Variants in CRB2 observed in about 807,000 individuals in gnomAD.
The protein encoded by CRB2 is crumbs cell polarity complex component 2.
Under a neutral mutation model 110.9 loss-of-function variants are expected in CRB2, and 85 were observed. The observed-to-expected ratio is 0.77, with a 90% CI of 0.64 to 0.92. The LOEUF is 0.92. Ranked by LOEUF, CRB2 falls within the 40% of genes least tolerant of loss-of-function variation. The probability of loss-of-function intolerance (pLI) is 0.00; values close to 1 mark genes in which losing one functional copy is unlikely to be tolerated. For missense variants in CRB2, 1,843 were observed against 1,851.3 expected, an observed-to-expected ratio of 1.00 and a Z score of 0.08; for synonymous variants, 907 against 831.0, an observed-to-expected ratio of 1.09 and a Z score of -1.57.
chr9:123,372,424 G>T, intron 9 of CRB2, 82 bp downstream of exon 9: 2 of 1,490,798 alleles, frequency 1.3e-6, no homozygotes, highest in Non-Finnish European at 9.0e-7. Flanking sequence ...CTCAGGGCTT[G>T]TAGGATACTG....
Position 123,373,900 on chromosome 9 carries a change from C to T in CRB2, c.3369C>T (p.Gly1123=), listed in dbSNP as rs2042061679. Reference sequence around the variant, plus strand: ...GCTTCGAGTGCCGCTGCCCGCCTGGCTTCGGGGGCCCGCGCTGCAGGTGGG... The same window carrying T: ...GCTTCGAGTGCCGCTGCCCGCCTGGTTTCGGGGGCCCGCGCTGCAGGTGGG... The part of the protein sequence containing the change: ...DGRFECRCPP[G]FGGPRCRLPV... Residue 1123 remains glycine, a synonymous_variant, in exon 10 of 13, where the codon GGC becomes GGT. Coordinates refer to ENST00000373631, the MANE Select transcript of CRB2 (RefSeq NM_173689.7). 5.2e-6 allele frequency: 8 copies of T among 1,549,026 alleles called. No individual in the cohort carries two copies. The highest frequency in any genetic ancestry group is 1.7e-4 in the Middle Eastern group (1 of 5,980).
In CRB2 at chr9:123,371,378, C is replaced by T; in HGVS notation, c.2236C>T (p.His746Tyr). 6.2e-7 allele frequency: 1 copy of T among 1,606,286 alleles called. No individual in the cohort carries two copies. Among genetic ancestry groups the T allele is most frequent in the Non-Finnish European group, 8.5e-7 (1 of 1,175,994 alleles). ...DQLQDLGQHV[H>Y]VGGRLLAADS... ...GCTGCAGGACCTGGGGCAGCACGTG[C>T]ACGTGGGTGGGAGGCTCCTTGCTGC... Residue 746 changes from histidine to tyrosine, a missense_variant, in exon 8 of 13, where the codon CAC (histidine) becomes TAC (tyrosine). Coordinates refer to ENST00000373631, the MANE Select transcript of CRB2 (RefSeq NM_173689.7).
chr9:123,359,217 G>A (rs1307697551), intron 1 of CRB2, among the ~76,000 whole-genome samples: 2 of 152,050 alleles, frequency 1.3e-5, no homozygotes, highest in Non-Finnish European at 2.9e-5. Flanking sequence ...ATGACTGAGT[G>A]AGTGTCTGCA....
rs1397020764 is a variant in CRB2 at position 123,371,182 on chromosome 9, G to A, written c.2040G>A (p.Glu680=). 1.9e-5 allele frequency: 31 copies of A among 1,613,826 alleles called. No homozygotes were observed. In the East Asian group the frequency reaches 6.9e-4, roughly 36 times the overall value. The change falls in exon 8 of 13, where the codon GAG becomes GAA. Residue 680 remains glutamate (E), a synonymous_variant. Transcript: ENST00000373631. The part of the protein sequence containing the change: ...LTVSFLLRTR[E]SAGLLLQFAN... ...TGTCTTTCCTTCTCCGCACTCGGGA[G>A]TCCGCTGGCCTGTTGCTCCAGTTTG...
chr9:123,364,098 C>A (rs1033357753), intron 2 of CRB2, among the ~76,000 whole-genome samples: 8 of 152,288 alleles, frequency 5.3e-5, no homozygotes, highest in African/African-American at 9.6e-5. Flanking sequence ...GGGCCTACAG[C>A]GAAGAGATGG....
Position 123,362,921 on chromosome 9 carries a change from A to G in CRB2, c.151A>G (p.Thr51Ala), listed in dbSNP as rs2041884606. ...TGCCTCAGACCCGTGCGCTCCAGGG[A>G]CCGAGTGCCAGGCTACCGAGAGTGG... ...ACASDPCAPG[T>A]ECQATESGGY... The change falls in exon 2 of 13, where the codon ACC becomes GCC. Residue 51 changes from threonine (T) to alanine (A), a missense_variant. Physicochemically the swap from Thr to Ala is moderately conservative, Grantham distance 58 (BLOSUM62 0). Coordinates refer to ENST00000373631, the MANE Select transcript of CRB2 (RefSeq NM_173689.7). 6.2e-7 allele frequency: 1 copy of G among 1,601,352 alleles called. No individual in the cohort carries two copies. The highest frequency in any genetic ancestry group is 1.3e-5 in the African/African-American group (1 of 74,802).
chr9:123,376,782 C>A, intron 12 of CRB2, 56 bp from the exon 13 acceptor site: 1 of 1,476,878 alleles, frequency 6.8e-7, no homozygotes, highest in Non-Finnish European at 9.2e-7. Flanking sequence ...TCTCTGAGGG[C>A]CCCGGCGTCC....
chr9:123,367,779 C>A, intron 6 of CRB2, 93 bp downstream of exon 6: 2 of 855,220 alleles, frequency 2.3e-6, no homozygotes, highest in Non-Finnish European at 3.7e-6. Context: ...TTGATGGGGT[C>A]AAGGAGATCA....
At chr9:123,358,329 A>G (rs1224870806) in intron 1 of CRB2, among the ~76,000 whole-genome samples, 1 of 152,146 alleles carries the variant, frequency 6.6e-6, no homozygotes, top group Non-Finnish European at 1.5e-5. Context: ...CTTGGAGTAC[A>G]ATGGGGCACG....
chr9:123,362,776 T>C, intron 1 of CRB2, 89 bp from the exon 2 acceptor site: 1 of 1,316,450 alleles, frequency 7.6e-7, no homozygotes, highest in Non-Finnish European at 1.0e-6. Context: ...ACGTTGCTTT[T>C]GGGGTCTGGG....
intron 2 of CRB2, among the ~76,000 whole-genome samples, chr9:123,363,480 C>T (rs1242423137): frequency 6.6e-6 from 1 of 152,214 alleles, no homozygotes; most frequent in African/African-American, 2.4e-5. Flanking sequence ...GAATACCCCT[C>T]ATTCATCTCT....
chr9:123,356,213 C>A lies in CRB2; in HGVS notation c.-48C>A. The stretch of plus-strand genomic sequence containing the variant: ...GAGGGGGGTGCGGAGCCAGCCAGGC[C>A]GCCCTCCCGTTCTCACAGCAGCCGA... On this transcript the variant is annotated 5_prime_UTR_variant, in exon 1 of 13. Coordinates refer to ENST00000373631, the MANE Select transcript of CRB2 (RefSeq NM_173689.7). 2 of 1,324,644 alleles carry A rather than the reference C, an allele frequency of 1.5e-6. No homozygotes were observed. Among genetic ancestry groups the A allele is most frequent in the Non-Finnish European group, 2.0e-6 (2 of 1,009,398 alleles). 82.1% of individuals were successfully genotyped at this position (1,324,644 alleles called of 1,614,324 possible).
Position 123,359,852 on chromosome 9 carries a change from G to A in CRB2, c.95-3013G>A, listed in dbSNP as rs114130643. Among the ~76,000 whole-genome samples the A allele has an allele frequency of 7.4e-3, 1,134 of 152,240 alleles. 13 individuals carry two copies. The highest frequency in any genetic ancestry group is 0.026 in the African/African-American group (1,086 of 41,534). ...ATGAGTGAGGCCTGAGACACAGTGGGATTACTGACAGCTGGGTTCTGGATA... is the reference window on the plus strand; with the variant it reads ...ATGAGTGAGGCCTGAGACACAGTGGAATTACTGACAGCTGGGTTCTGGATA... On this transcript the variant is annotated intron_variant, in intron 1 of 12. Transcript: ENST00000373631.
rs1405237926 is a variant in CRB2, at chr9:123,371,295, C to T, written c.2153C>T (p.Pro718Leu). The T allele has an allele frequency of 5.0e-6, 8 of 1,613,150 alleles. No individual in the cohort carries two copies. Among genetic ancestry groups the T allele is most frequent in the Non-Finnish European group, 6.8e-6 (8 of 1,179,624 alleles). Residue 718 changes from proline to leucine, a missense_variant, in exon 8 of 13, where the codon CCT becomes CTT. Pro to Leu is a moderately conservative substitution (Grantham distance 98). Coordinates refer to ENST00000373631, the MANE Select transcript of CRB2 (RefSeq NM_173689.7). ...CCGGGCAGTCCTGCTGTAGTGCTCC[C>T]TGGGCGCTGGGATGATGGGCTCCGT... is the stretch of plus-strand genomic sequence containing the variant. ...EVPGSPAVVL[P>L]GRWDDGLRHL...
chr9:123,361,925 G>C (rs1588205125), intron 1 of CRB2, among the ~76,000 whole-genome samples: 1 of 152,326 alleles, frequency 6.6e-6, no homozygotes, highest in South Asian at 2.1e-4. Context: ...GGAGAGGAAG[G>C]GGGATGAGGA....
At position 123,356,901 on chromosome 9, in the gene CRB2, T is replaced by C. The variant is rs79206438; in HGVS notation, c.94+547T>C. On this transcript the variant is annotated intron_variant, in intron 1 of 12. Transcript: ENST00000373631. ...CTGTGTCCTAGCACACGCTGTGGGG[T>C]GTAGGTTGTCCAGGGTTGAACTAGG... Among the ~76,000 whole-genome samples the C allele has an allele frequency of 3.2e-4, 49 of 151,682 alleles. No homozygotes were observed. The East Asian group carries it at 4.8e-3, about 15-fold the overall frequency.
chr9:123,379,069 G>T (rs1027834625), downstream of CRB2, among the ~76,000 whole-genome samples: 11 of 151,826 alleles, frequency 7.2e-5, no homozygotes, highest in African/African-American at 2.4e-4. Flanking sequence ...GGGATTATAG[G>T]TGTGGGATGA....
chr9:123,355,561 G>A (rs1325004773), upstream of CRB2, among the ~76,000 whole-genome samples: 4 of 149,112 alleles, frequency 2.7e-5, no homozygotes, highest in East Asian at 6.1e-4. Context: ...GGGAGGAGCT[G>A]TGTGTGGTCG....
In CRB2 at chr9:123,373,289, G is replaced by A. The variant is rs919298912; in HGVS notation, c.2758G>A (p.Val920Met). 9.3e-5 allele frequency: 137 copies of A among 1,479,192 alleles called. No individual in the cohort carries two copies. Among genetic ancestry groups the A allele is most frequent in the Middle Eastern group, 2.3e-4 (1 of 4,302 alleles). 91.6% of individuals were successfully genotyped at this position (1,479,192 alleles called of 1,614,324 possible). A position where few individuals can be genotyped will look rare whatever the true frequency, so the allele number is the denominator to read the frequency against. The change falls in exon 10 of 13, where the codon GTG becomes ATG. Residue 920 changes from valine to methionine, a missense_variant. Coordinates refer to ENST00000373631, the MANE Select transcript of CRB2 (RefSeq NM_173689.7). ...LRAAAGALEG[V>M]WLAVRNGSLA... ...TGCCGCGGCGGGCGCCCTGGAAGGC[G>A]TGTGGCTGGCGGTGCGCAATGGCTC...
Sources: gnomAD v4.1 joint callset for allele counts (sites outside exome capture counted in the v4.1 genomes callset) on GRCh38, gnomAD v4.1.1 for gene constraint, MANE v1.5 for transcripts, NCBI Gene and HGNC (gene_info 2026-07-23, HGNC 2026-07-21) for gene names.